The following ZC3H7B variants were observed in gnomAD, a reference collection of about 807,000 sequenced individuals.
ZC3H7B encodes zinc finger CCCH-type containing 7B.
Under a neutral mutation model 116.0 loss-of-function variants are expected in ZC3H7B, and 35 were observed. The ratio of observed to expected loss-of-function variants is 0.30; its 90% CI spans 0.23 to 0.40. The LOEUF is 0.40. Among genes scored for constraint, ZC3H7B ranks in the 10% least tolerant of loss-of-function variants. The pLI is 1.00. For synonymous variants in ZC3H7B, 502 were observed against 545.6 expected (o/e 0.92, Z 1.11); for missense variants, 1,011 against 1,321.5 (o/e 0.77, Z 3.64).
At chr22:41,326,637 T>C (rs887868413) in intron 4 of ZC3H7B, among the ~76,000 whole-genome samples, 10 of 152,114 alleles carry the variant, frequency 6.6e-5, no homozygotes, top group African/African-American at 2.4e-4. Flanking sequence ...CTCTCCTCCT[T>C]AGAGCTGCAG....
intron 1 of ZC3H7B, among the ~76,000 whole-genome samples, chr22:41,314,755 G>A (rs1181590443): frequency 6.6e-6 from 1 of 150,688 alleles, no homozygotes; most frequent in Non-Finnish European, 1.5e-5. Flanking sequence ...GACTACAGGC[G>A]TGTGCCACCA....
At chr22:41,304,961 C>T (rs2036020261) in intron 1 of ZC3H7B, among the ~76,000 whole-genome samples, 1 of 152,180 alleles carries the variant, frequency 6.6e-6, no homozygotes, top group East Asian at 1.9e-4. Context: ...CCTATAATCC[C>T]AGCACTTTGG....
At chr22:41,314,151 A>G (rs1296712219) in intron 1 of ZC3H7B, among the ~76,000 whole-genome samples, 1 of 149,384 alleles carries the variant, frequency 6.7e-6, no homozygotes, top group Non-Finnish European at 1.5e-5. Flanking sequence ...TTTTTATTTT[A>G]TTTATTTATT....
Position 41,332,239 on chromosome 22 carries a change from G to T in ZC3H7B, c.582+12G>T. ...GCGTGGCAGATCAGGTAGGATCGGGGCTGAACCAACCTGTCTCAGTTTATC... is the reference window on the plus strand; with the variant it reads ...GCGTGGCAGATCAGGTAGGATCGGGTCTGAACCAACCTGTCTCAGTTTATC... On this transcript the variant is annotated intron_variant, in intron 7 of 22. Coordinates refer to ENST00000352645, the MANE Select transcript of ZC3H7B (RefSeq NM_017590.6). The T allele has an allele frequency of 2.5e-6, 4 of 1,614,114 alleles. No homozygotes were observed. Among genetic ancestry groups the T allele is most frequent in the Non-Finnish European group, 3.4e-6 (4 of 1,179,972 alleles).
chr22:41,341,864 C>G (rs756120819), intron 11 of ZC3H7B, among the ~76,000 whole-genome samples: 1 of 152,092 alleles, frequency 6.6e-6, no homozygotes, highest in Admixed American at 6.6e-5. Context: ...GAGTTCGAGA[C>G]CAGCCTGGCC....
rs1024352426 is a variant in ZC3H7B at position 41,357,691 on chromosome 22, A to C, written c.*262A>C. ...CCACGGCTCTCCTGGTTGAGGAGGG[A>C]GGGGCCTGGCTGACCCCTCCAGCTT... On this transcript the variant is annotated 3_prime_UTR_variant, in exon 23 of 23. Transcript: ENST00000352645. This position sits in a 1 kb window ranked among gnomAD's most constrained non-coding sequence, Gnocchi z 5.4. 1 of 548,644 alleles carries C rather than the reference A, an allele frequency of 1.8e-6. No individual in the cohort carries two copies. Among genetic ancestry groups the C allele is most frequent in the Non-Finnish European group, 3.2e-6 (1 of 308,614 alleles). The allele number at this position is 548,644 out of a possible 1,614,324, so 34.0% of individuals were successfully genotyped here.
In ZC3H7B at chr22:41,342,652, A is replaced by AC. The variant is rs1255968138; in HGVS notation, c.1297+28dup. On this transcript the variant is annotated intron_variant, in intron 12 of 22. Coordinates refer to ENST00000352645, the MANE Select transcript of ZC3H7B (RefSeq NM_017590.6). ...AGGTAAACTTTCACCTGTAGACTCC[A>AC]CCCCTCTGCCCAGAGAACTGGGAAT... is the stretch of plus-strand genomic sequence containing the variant. The AC allele has an allele frequency of 6.9e-6, 11 of 1,590,056 alleles. No homozygotes were observed. The Middle Eastern group carries it at 1.7e-3, about 240-fold the overall frequency.
Position 41,349,106 on chromosome 22 carries a change from T to TGCCC in ZC3H7B, c.1767-6_1767-3dup, listed in dbSNP as rs751098485. The TGCCC allele has an allele frequency of 4.3e-6, 7 of 1,612,930 alleles. No individual in the cohort carries two copies. Among genetic ancestry groups the TGCCC allele is most frequent in the Non-Finnish European group, 4.2e-6 (5 of 1,179,666 alleles). On this transcript the variant is annotated splice_polypyrimidine_tract_variant and intron_variant, in intron 15 of 22. Transcript: ENST00000352645. This position sits in a 1 kb window ranked among gnomAD's most constrained non-coding sequence, Gnocchi z 4.9. ...CGGACTGCATCGTGCCCCTCCTGCC[T>TGCCC]GCCCGCCCGCCAGGTGCCTGGTGCA...
At chr22:41,355,447 C>A (rs1461969280) in intron 17 of ZC3H7B, 22 bp from the exon 18 acceptor site, 1 of 1,613,040 alleles carries the variant, frequency 6.2e-7, no homozygotes, top group South Asian at 1.1e-5. Flanking sequence ...CTTCACCAAC[C>A]CCCCTCCCCA....
At chr22:41,313,498 G>A (rs368436570) in intron 1 of ZC3H7B, among the ~76,000 whole-genome samples, 151 of 152,332 alleles carry the variant, frequency 9.9e-4, no homozygotes, top group African/African-American at 3.5e-3. Flanking sequence ...GTTCACCTGA[G>A]TGCCTGGGAA....
chr22:41,340,012 C>T lies in ZC3H7B; in HGVS notation c.1013C>T (p.Ala338Val), dbSNP rs2036498775. 6.2e-7 allele frequency: 1 copy of T among 1,610,852 alleles called. No homozygotes were observed. The highest frequency in any genetic ancestry group is 8.5e-7 in the Non-Finnish European group (1 of 1,180,004). Residue 338 changes from alanine to valine, a missense_variant, in exon 10 of 23, where the codon GCC (alanine) becomes GTC (valine). Physicochemically the swap from Ala to Val is moderately conservative, Grantham distance 64 (BLOSUM62 0). This residue lies in a region of ZC3H7B where 322 missense variants were observed against 443.9 expected (regional missense o/e 0.73). Transcript: ENST00000352645. Reference protein sequence around the residue: ...SKKLAASVLDALDPPGPTLDP... With the variant: ...SKKLAASVLDVLDPPGPTLDP... ...AAGCTGGCCGCCTCTGTGCTGGATG[C>T]CCTCGATCCCCCGGGCCCCACGCTG...
chr22:41,320,733 G>C lies in ZC3H7B; in HGVS notation c.53+20G>C. On this transcript the variant is annotated intron_variant, in intron 2 of 22. Coordinates refer to ENST00000352645, the MANE Select transcript of ZC3H7B (RefSeq NM_017590.6). ...CATTCAGTAAGCCTGCATGCGGCAG[G>C]GGCTGGACGGCTGGGTGGGCAAGGG... is the stretch of plus-strand genomic sequence containing the variant. 1 of 1,613,806 alleles carries C rather than the reference G, an allele frequency of 6.2e-7. No individual in the cohort carries two copies. The highest frequency in any genetic ancestry group is 1.7e-5 in the Admixed American group (1 of 60,004).
intron 1 of ZC3H7B, among the ~76,000 whole-genome samples, chr22:41,307,067 G>T (rs567638651): frequency 6.7e-6 from 1 of 149,740 alleles, no homozygotes; most frequent in African/African-American, 2.5e-5. Context: ...TCTGCCTCCC[G>T]GGTTCAAGCA....
At chr22:41,315,245 C>T (rs1049246928) in intron 1 of ZC3H7B, among the ~76,000 whole-genome samples, 3 of 151,954 alleles carry the variant, frequency 2.0e-5, no homozygotes, top group East Asian at 1.9e-4. Context: ...GGCACGATCT[C>T]GGCTCAGTGC....
chr22:41,339,625 CAA>C (rs34780757), intron 9 of ZC3H7B, among the ~76,000 whole-genome samples, 189 bp from the exon 10 acceptor site: 1 of 126,006 alleles, frequency 7.9e-6, no homozygotes, highest in Non-Finnish European at 1.8e-5. Context: ...GACTCCGTCT[CAA>C]AAAAAAAAAA....
intron 1 of ZC3H7B, among the ~76,000 whole-genome samples, chr22:41,319,590 G>T (rs1334901928): frequency 1.4e-5 from 2 of 143,698 alleles, no homozygotes; most frequent in Admixed American, 6.9e-5. Flanking sequence ...AAAAAAAAAA[G>T]GTCAAAGTGG....
At chr22:41,317,153 T>C (rs572189971) in intron 1 of ZC3H7B, among the ~76,000 whole-genome samples, 85 of 152,062 alleles carry the variant, frequency 5.6e-4, no homozygotes, top group African/African-American at 1.9e-3. Flanking sequence ...CTAATTTTTA[T>C]ATTTTTGGTA....
intron 12 of ZC3H7B, among the ~76,000 whole-genome samples, chr22:41,343,079 A>G (rs1340900463): frequency 6.6e-6 from 1 of 152,036 alleles, no homozygotes; most frequent in Non-Finnish European, 1.5e-5. Context: ...AGGCTGAGGC[A>G]GGAGAATTGC....
chr22:41,325,825 C>A lies in ZC3H7B; in HGVS notation c.192C>A (p.Asn64Lys). 1 of 1,613,432 alleles carries A rather than the reference C, an allele frequency of 6.2e-7. No individual in the cohort carries two copies. The highest frequency in any genetic ancestry group is 8.5e-7 in the Non-Finnish European group (1 of 1,179,892). ...TGGTGCAGTACATGGAAGGGCTGAA[C>A]GTGGCCGACTACGCTGCCTCTGACC... The part of the protein sequence containing the change: ...QALVQYMEGL[N>K]VADYAASDQV... Residue 64 changes from asparagine (N) to lysine (K), a missense_variant, in exon 4 of 23, where the codon AAC becomes AAA. Physicochemically the swap from Asn to Lys is moderately conservative, Grantham distance 94. Transcript: ENST00000352645.
Sources: gnomAD v4.1 joint callset for allele counts (sites outside exome capture counted in the v4.1 genomes callset) on GRCh38, gnomAD v4.1.1 for gene constraint, gnomAD v4.1.1 regional missense constraint, Gnocchi (gnomAD v3.1) non-coding constraint, MANE v1.5 for transcripts, NCBI Gene and HGNC (gene_info 2026-07-23, HGNC 2026-07-21) for gene names.